ZNF286A: variants seen among roughly 807,000 people sequenced by gnomAD.
The protein encoded by ZNF286A is zinc finger protein 286A, also known as zinc finger protein ZNF286.
Under a neutral mutation model 49.3 loss-of-function variants are expected in ZNF286A, and 34 were observed. The ratio of observed to expected loss-of-function variants is 0.69; its 90% CI spans 0.52 to 0.92. ZNF286A has a LOEUF of 0.92. Ranked by LOEUF, ZNF286A falls within the 40% of genes least tolerant of loss-of-function variation. The pLI, the probability that ZNF286A is intolerant of heterozygous loss-of-function variation, is 0.00. For synonymous variants in ZNF286A, 155 were observed against 200.4 expected, an observed-to-expected ratio of 0.77 and a Z score of 1.91; for missense variants, 462 against 600.2, an observed-to-expected ratio of 0.77 and a Z score of 2.41.
intron 5 of ZNF286A, among the ~76,000 whole-genome samples, chr17:15,712,642 G>A (rs1187442153): frequency 6.6e-6 from 1 of 152,118 alleles, no homozygotes; most frequent in Non-Finnish European, 1.5e-5. Flanking sequence ...TATATTCTAA[G>A]TATTTCTTCA....
chr17:15,710,281 T>C (rs1323540195), intron 5 of ZNF286A, among the ~76,000 whole-genome samples: 3 of 147,930 alleles, frequency 2.0e-5, no homozygotes, highest in Admixed American at 1.3e-4. Flanking sequence ...ACATTTTTAA[T>C]AACAAACTTT....
At position 15,712,016 on chromosome 17, in the gene ZNF286A, T is replaced by C. The variant is rs1247403496; in HGVS notation, c.334+3769T>C. On this transcript the variant is annotated intron_variant, in intron 5 of 5. Coordinates refer to ENST00000583566, the MANE Select transcript of ZNF286A (RefSeq NM_001130842.2). Reference sequence around the variant, plus strand: ...CCTCCTGAGTAGCTGGGACTACAGGTGCCCGCCACCACACCCGGCTAATTT... The same window carrying C: ...CCTCCTGAGTAGCTGGGACTACAGGCGCCCGCCACCACACCCGGCTAATTT... Among the ~76,000 whole-genome samples, 24 of 151,738 alleles carry C rather than the reference T, an allele frequency of 1.6e-4. 1 individual carries two copies. Among genetic ancestry groups the C allele is most frequent in the Admixed American group, 1.2e-3 (19 of 15,224 alleles).
chr17:15,703,346 T>G (rs1256990795), intron 3 of ZNF286A, among the ~76,000 whole-genome samples: 2 of 152,100 alleles, frequency 1.3e-5, no homozygotes, highest in East Asian at 1.9e-4. Context: ...GGAAAATTTT[T>G]AAAACTCTCT....
Position 15,716,608 on chromosome 17 carries a change from G to A in ZNF286A, c.884G>A (p.Arg295Lys), listed in dbSNP as rs1296745192. 12 of 1,614,064 alleles carry A rather than the reference G, an allele frequency of 7.4e-6. No individual in the cohort carries two copies. Among genetic ancestry groups the A allele is most frequent in the Non-Finnish European group, 9.3e-6 (11 of 1,180,004 alleles). Reference sequence around the variant, plus strand: ...ACTAAACACCAGAGAACTCATACTAGAATTCTCTTTGAATGCAGTGAATGC... The same window carrying A: ...ACTAAACACCAGAGAACTCATACTAAAATTCTCTTTGAATGCAGTGAATGC... The part of the protein sequence containing the change: ...NLTKHQRTHT[R>K]ILFECSECKK... The change falls in exon 6 of 6, where the codon AGA becomes AAA. Residue 295 changes from arginine to lysine, a missense_variant. By Grantham distance (26) the Arg-to-Lys change is conservative. Coordinates refer to ENST00000583566, the MANE Select transcript of ZNF286A (RefSeq NM_001130842.2).
rs535425292 is a variant in ZNF286A, at chr17:15,704,839, G to A, written c.127-1548G>A. 9 of 1,613,040 alleles carry A rather than the reference G, an allele frequency of 5.6e-6. No individual in the cohort carries two copies. The Admixed American group carries it at 8.3e-5, about 15-fold the overall frequency. On this transcript the variant is annotated intron_variant, in intron 3 of 5. Coordinates refer to ENST00000583566, the MANE Select transcript of ZNF286A (RefSeq NM_001130842.2). ...ATCGGGTGGGTCTGCGGTCAGTGTCGTCACCTCCTTGTACACCAGGCGGAT... is the reference window on the plus strand; with the variant it reads ...ATCGGGTGGGTCTGCGGTCAGTGTCATCACCTCCTTGTACACCAGGCGGAT...
rs184773569 is a variant in ZNF286A at position 15,716,155 on chromosome 17, G to A, written c.431G>A (p.Arg144Gln). The A allele has an allele frequency of 2.2e-4, 356 of 1,613,806 alleles. 3 individuals carry two copies. In the East Asian group the frequency reaches 6.8e-3, roughly 31 times the overall value. ...CKVAIIDRLTRNSVYDSNLEA... is the reference protein window; with the variant it reads ...CKVAIIDRLTQNSVYDSNLEA... Reference sequence around the variant, plus strand: ...GTTGCAATAATAGACAGACTGACACGGAATAGTGTCTATGACTCTAACTTG... The same window carrying A: ...GTTGCAATAATAGACAGACTGACACAGAATAGTGTCTATGACTCTAACTTG... Residue 144 changes from arginine (R) to glutamine (Q), a missense_variant, in exon 6 of 6, where the codon CGG (arginine) becomes CAG (glutamine). Arg to Gln is a conservative substitution (Grantham distance 43, BLOSUM62 1). Around this residue, in one of 3 missense-constraint regions of ZNF286A, gnomAD observed 259 missense variants for 272.2 expected, o/e 0.95. Coordinates refer to ENST00000583566, the MANE Select transcript of ZNF286A (RefSeq NM_001130842.2).
At chr17:15,711,864 C>T (rs967925121) in intron 5 of ZNF286A, among the ~76,000 whole-genome samples, 1 of 102,032 alleles carries the variant, frequency 9.8e-6, no homozygotes, top group Admixed American at 9.7e-5. Context: ...TAATCTGCCC[C>T]CCCCCCGGCT....
rs1967145043 is a variant in ZNF286A at position 15,717,788 on chromosome 17, A to G, written c.*498A>G. ...GTAATTTCTTTTATATTAGCCTTAA[A>G]AACCAAAAATGCTGGGTTCAAAGTC... On this transcript the variant is annotated 3_prime_UTR_variant, in exon 6 of 6. Transcript: ENST00000583566. 1 of 156,638 alleles carries G rather than the reference A, an allele frequency of 6.4e-6. No individual in the cohort carries two copies. Among genetic ancestry groups the G allele is most frequent in the South Asian group, 1.9e-4 (1 of 5,252 alleles). 9.7% of individuals were successfully genotyped at this position (156,638 alleles called of 1,614,324 possible).
rs1258900795 is a variant in ZNF286A at position 15,718,297 on chromosome 17, C to T, written c.*1007C>T. Reference sequence around the variant, plus strand: ...GGAGACCTTCTTTCATTTTCCATTTCCCTGGGAGTTCACGTGAAGTAGTGA... The same window carrying T: ...GGAGACCTTCTTTCATTTTCCATTTTCCTGGGAGTTCACGTGAAGTAGTGA... On this transcript the variant is annotated 3_prime_UTR_variant, in exon 6 of 6. Coordinates refer to ENST00000583566, the MANE Select transcript of ZNF286A (RefSeq NM_001130842.2). 1 of 149,896 alleles carries T rather than the reference C, an allele frequency of 6.7e-6. No individual in the cohort carries two copies. Among genetic ancestry groups the T allele is most frequent in the Non-Finnish European group, 1.5e-5 (1 of 67,600 alleles). 9.3% of individuals were successfully genotyped at this position (149,896 alleles called of 1,614,324 possible).
intron 3 of ZNF286A, chr17:15,704,343 C>G (rs201734646): frequency 0.03 from 45,801 of 1,509,046 alleles, 1 homozygote; most frequent in African/African-American, 0.074. Flanking sequence ...CTCCCAGGCC[C>G]CCTGGGGCCC....
chr17:15,709,726 T>A (rs1474489862), intron 5 of ZNF286A: 1 of 1,212,534 alleles, frequency 8.2e-7, no homozygotes. Context: ...TCTATGTTAA[T>A]ATATATGAAT....
chr17:15,704,916 G>T, intron 3 of ZNF286A: 1 of 1,579,374 alleles, frequency 6.3e-7, no homozygotes, highest in Non-Finnish European at 8.6e-7. Context: ...CGGCCGGCCG[G>T]GGGCGGGTCC....
intron 3 of ZNF286A, 52 bp from the exon 4 acceptor site, chr17:15,706,335 G>A (rs1359464958): frequency 6.7e-7 from 1 of 1,494,556 alleles, no homozygotes; most frequent in Non-Finnish European, 9.3e-7. Context: ...ACTGGGGGAT[G>A]AAAGAGAAGT....
At chr17:15,714,536 G>A (rs537058187) in intron 5 of ZNF286A, among the ~76,000 whole-genome samples, 6 of 152,152 alleles carry the variant, frequency 3.9e-5, no homozygotes, top group Admixed American at 6.5e-5. Context: ...TTGCATTAAT[G>A]CTCATTAAGG....
At chr17:15,713,660 G>T (rs1339939872) in intron 5 of ZNF286A, among the ~76,000 whole-genome samples, 2 of 150,836 alleles carry the variant, frequency 1.3e-5, no homozygotes, top group Non-Finnish European at 3.0e-5. Context: ...GGACAATATT[G>T]GTTCACTAAG....
rs950504313 is a variant in ZNF286A, at chr17:15,703,591, A to AT, written c.126+2357dup. On this transcript the variant is annotated intron_variant, in intron 3 of 5. Transcript: ENST00000583566. ...CTCTCTACTATGTATATTTTTTCACATTTTTTGTTGTACTTGCACTACTGT... is the reference window on the plus strand; with the variant it reads ...CTCTCTACTATGTATATTTTTTCACATTTTTTTGTTGTACTTGCACTACTGT... Among the ~76,000 whole-genome samples the AT allele has an allele frequency of 5.9e-5, 9 of 151,846 alleles. 1 individual carries two copies. Among genetic ancestry groups the AT allele is most frequent in the Non-Finnish European group, 1.3e-4 (9 of 67,972 alleles).
At position 15,699,768 on chromosome 17, in the gene ZNF286A, G is replaced by C. The variant is rs1989613076; in HGVS notation, c.-205G>C. The C allele has an allele frequency of 1.4e-6, 1 of 702,786 alleles. No homozygotes were observed. The highest frequency in any genetic ancestry group is 1.7e-5 in the African/African-American group (1 of 57,268). 43.5% of individuals were successfully genotyped at this position (702,786 alleles called of 1,614,324 possible). ...GAAGTTCGTCCCCTTTGTGAGGCCC[G>C]GGATGGGAGGTGAGTTGCTTGTGGT... On this transcript the variant is annotated 5_prime_UTR_variant, in exon 1 of 6. Transcript: ENST00000583566.
chr17:15,704,339 G>A (rs187731128), intron 3 of ZNF286A: 68 of 1,610,252 alleles, frequency 4.2e-5, no homozygotes, highest in Middle Eastern at 2.1e-4. Context: ...GCCCCTCCCA[G>A]GCCCCCTGGG....
intron 4 of ZNF286A, 79 bp from the exon 5 acceptor site, chr17:15,708,076 T>C: frequency 1.0e-6 from 1 of 981,680 alleles, no homozygotes; most frequent in Non-Finnish European, 1.4e-6. Context: ...ACAATTCAAC[T>C]GGCTTGAAGA....
Sources: gnomAD v4.1 joint callset for allele counts (sites outside exome capture counted in the v4.1 genomes callset) on GRCh38, gnomAD v4.1.1 for gene constraint, gnomAD v4.1.1 regional missense constraint, MANE v1.5 for transcripts, NCBI Gene and HGNC (gene_info 2026-07-23, HGNC 2026-07-21) for gene names.